Variants in EPB41L4A observed in about 807,000 individuals in gnomAD.
EPB41L4A encodes the protein erythrocyte membrane protein band 4.1 like 4A.
In EPB41L4A, 100 loss-of-function variants were observed where a neutral mutation model predicts 108.6. The ratio of observed to expected loss-of-function variants is 0.92; its 90% CI spans 0.78 to 1.09. The LOEUF (loss-of-function observed/expected upper bound fraction) is 1.09, where lower values mean the gene tolerates loss of function less well. Ranked by LOEUF, EPB41L4A falls within the 50% of genes least tolerant of loss-of-function variation. The pLI is 0.00. For synonymous variants in EPB41L4A, 319 were observed against 289.0 expected, an observed-to-expected ratio of 1.10 and a Z score of -1.05; for missense variants, 1,030 against 842.7, an observed-to-expected ratio of 1.22 and a Z score of -2.75.
intron 1 of EPB41L4A, among the ~76,000 whole-genome samples, chr5:112,384,498 T>C (rs1190957625): frequency 6.6e-6 from 1 of 151,876 alleles, no homozygotes; most frequent in Non-Finnish European, 1.5e-5. Flanking sequence ...TTGCAACCAA[T>C]CATCAGTAAA....
At chr5:112,343,395 G>A (rs1337840056) in intron 1 of EPB41L4A, among the ~76,000 whole-genome samples, 1 of 151,976 alleles carries the variant, frequency 6.6e-6, no homozygotes, top group Non-Finnish European at 1.5e-5. Context: ...TGTTATATTG[G>A]GGAAGTCATT....
At chr5:112,146,864 T>C (rs769893892) in intron 12 of EPB41L4A, among the ~76,000 whole-genome samples, 1 of 152,220 alleles carries the variant, frequency 6.6e-6, no homozygotes, top group Non-Finnish European at 1.5e-5. Flanking sequence ...TGAATTGGAA[T>C]GCATAAGATG....
chr5:112,253,835 G>C (rs1316350479), intron 9 of EPB41L4A, among the ~76,000 whole-genome samples: 3 of 152,238 alleles, frequency 2.0e-5, no homozygotes, highest in South Asian at 2.1e-4. Flanking sequence ...AATAAATTTT[G>C]AGTTGTTTTC....
At chr5:112,246,985 G>A (rs1235597798) in intron 9 of EPB41L4A, among the ~76,000 whole-genome samples, 2 of 152,198 alleles carry the variant, frequency 1.3e-5, no homozygotes, top group African/African-American at 4.8e-5. Flanking sequence ...CTCCTAAAAT[G>A]ATTGAGACTT....
chr5:112,279,334 T>C (rs573719226), intron 3 of EPB41L4A, among the ~76,000 whole-genome samples: 1 of 152,232 alleles, frequency 6.6e-6, no homozygotes, highest in South Asian at 2.1e-4. Context: ...CAACCAATAC[T>C]ATCACAGGAA....
intron 7 of EPB41L4A, among the ~76,000 whole-genome samples, chr5:112,261,343 T>C (rs1751469697): frequency 2.0e-5 from 3 of 152,312 alleles, no homozygotes; most frequent in South Asian, 4.1e-4. Flanking sequence ...ATGAGTGTTA[T>C]TTGCACTAGA....
chr5:112,250,271 G>A (rs1750565811), intron 9 of EPB41L4A, among the ~76,000 whole-genome samples: 1 of 152,134 alleles, frequency 6.6e-6, no homozygotes, highest in African/African-American at 2.4e-5. Context: ...TTGATTGCTT[G>A]ATAAATAATT....
chr5:112,353,864 G>A (rs1758207458), intron 1 of EPB41L4A, among the ~76,000 whole-genome samples: 1 of 152,092 alleles, frequency 6.6e-6, no homozygotes, highest in South Asian at 2.1e-4. Context: ...CAATCCCGAG[G>A]CCCCTGCATA....
chr5:112,240,054 C>G (rs1267813301), intron 10 of EPB41L4A, among the ~76,000 whole-genome samples: 4 of 152,190 alleles, frequency 2.6e-5, no homozygotes, highest in African/African-American at 7.2e-5. Context: ...TTTCATCTGA[C>G]CGGACCTCCC....
chr5:112,419,840 T>TGTA (rs747987541), upstream of EPB41L4A: 81 of 456,614 alleles, frequency 1.8e-4, no homozygotes, highest in Non-Finnish European at 3.2e-4. Context: ...GGTGGCCGTG[T>TGTA]GTAGCCAAGT....
chr5:112,214,772 C>G (rs1053819764), intron 12 of EPB41L4A, among the ~76,000 whole-genome samples: 45 of 150,968 alleles, frequency 3.0e-4, no homozygotes, highest in African/African-American at 1.1e-3. Flanking sequence ...TCTCAAAAGG[C>G]AAAAACAAAA....
At chr5:112,373,887 A>G (rs894359146) in intron 1 of EPB41L4A, among the ~76,000 whole-genome samples, 2 of 152,274 alleles carry the variant, frequency 1.3e-5, no homozygotes, top group Admixed American at 1.3e-4. Context: ...CAGTGCTGAA[A>G]TTACACAAGT....
intron 1 of EPB41L4A, among the ~76,000 whole-genome samples, chr5:112,406,083 A>G (rs902478759): frequency 2.6e-5 from 4 of 152,216 alleles, no homozygotes; most frequent in Non-Finnish European, 5.9e-5. Context: ...AACATGATGT[A>G]AAAACAGTGT....
intron 9 of EPB41L4A, among the ~76,000 whole-genome samples, chr5:112,258,537 T>C (rs1417467286): frequency 2.0e-5 from 3 of 152,198 alleles, no homozygotes; most frequent in Admixed American, 2.0e-4. Flanking sequence ...TCCCATAATA[T>C]GTGGTTTACA....
At chr5:112,339,832 G>A (rs902938032) in intron 1 of EPB41L4A, among the ~76,000 whole-genome samples, 4 of 152,012 alleles carry the variant, frequency 2.6e-5, no homozygotes, top group Admixed American at 1.3e-4. Context: ...CACCACGCTT[G>A]GCCAAGCTTA....
chr5:112,381,123 C>T (rs997740798), intron 1 of EPB41L4A, among the ~76,000 whole-genome samples: 5 of 152,140 alleles, frequency 3.3e-5, no homozygotes, highest in Non-Finnish European at 7.4e-5. Context: ...AACAGTTACA[C>T]TAAATGTGAT....
chr5:112,278,978 T>C (rs956684463), intron 3 of EPB41L4A, among the ~76,000 whole-genome samples: 14 of 150,362 alleles, frequency 9.3e-5, no homozygotes, highest in African/African-American at 3.2e-4. Flanking sequence ...GGCAGAAGAA[T>C]TGCTTGAACG....
At chr5:112,255,394 C>T (rs1751009482) in intron 9 of EPB41L4A, among the ~76,000 whole-genome samples, 1 of 152,114 alleles carries the variant, frequency 6.6e-6, no homozygotes, top group Non-Finnish European at 1.5e-5. Context: ...TACGTAAGTG[C>T]TGCACAGAAC....
At position 112,204,417 on chromosome 5, in the gene EPB41L4A, G is replaced by A. The variant is rs1334659642; in HGVS notation, c.1334C>T (p.Ser445Phe). ...KFPYTRRRNP[S>F]CGSDNDSVQP... ...TACAGAATCATTGTCACTTCCACAG[G>A]AGGGGTTTCGGCGACGCGTGTAAGG... The change falls in exon 15 of 23, where the codon TCC becomes TTC. Residue 445 changes from serine (S) to phenylalanine (F), a missense_variant. Coordinates refer to ENST00000261486, the MANE Select transcript of EPB41L4A (RefSeq NM_022140.5). 1.2e-6 allele frequency: 2 copies of A among 1,613,828 alleles called. No individual in the cohort carries two copies. The highest frequency in any genetic ancestry group is 2.2e-5 in the East Asian group (1 of 44,886).
Sources: gnomAD v4.1 joint callset for allele counts (sites outside exome capture counted in the v4.1 genomes callset) on GRCh38, gnomAD v4.1.1 for gene constraint, MANE v1.5 for transcripts, NCBI Gene and HGNC (gene_info 2026-07-23, HGNC 2026-07-21) for gene names.